The following OSTM1 variants were observed in gnomAD, a reference collection of about 807,000 sequenced individuals.
OSTM1 encodes the protein osteopetrosis-associated transmembrane protein 1.
Under a neutral mutation model 35.4 loss-of-function variants are expected in OSTM1, and 26 were observed. That is an observed-to-expected ratio of 0.73 (90% confidence interval 0.54 to 1.02). OSTM1 has a LOEUF of 1.02. OSTM1 is among the 50% of genes least tolerant of loss of function. The pLI is 0.00. For synonymous variants in OSTM1, 181 were observed against 165.0 expected (o/e 1.10, Z -0.75); for missense variants, 366 against 409.6 (o/e 0.89, Z 0.92).
intron 2 of OSTM1, among the ~76,000 whole-genome samples, chr6:108,056,174 C>T (rs890368147): frequency 6.6e-6 from 1 of 152,208 alleles, no homozygotes; most frequent in Non-Finnish European, 1.5e-5. Flanking sequence ...ACTATGCTTA[C>T]ACTGCACTTT....
intron 2 of OSTM1, among the ~76,000 whole-genome samples, chr6:108,060,162 A>G (rs75818319): frequency 0.043 from 6,572 of 152,220 alleles, 282 homozygotes; most frequent in East Asian, 0.23. Flanking sequence ...ACCTGAGACC[A>G]TATGTCTGGG....
At chr6:108,049,112 C>T (rs974235732) in intron 5 of OSTM1, 141 bp downstream of exon 5, 1 of 648,466 alleles carries the variant, frequency 1.5e-6, no homozygotes. Context: ...CACTAGTAAG[C>T]ATGATTGTAA....
In OSTM1 at chr6:108,043,424, G is replaced by A. The variant is rs1453150489; in HGVS notation, c.*1361C>T. On this transcript the variant is annotated 3_prime_UTR_variant, in exon 6 of 6. Coordinates refer to ENST00000193322, the MANE Select transcript of OSTM1 (RefSeq NM_014028.4). ...ACATAAAAGAAAAAAGAAACACTTT[G>A]TCTCCCTATAGAGCATTTTATAGTA... is the stretch of plus-strand genomic sequence containing the variant. The A allele has an allele frequency of 6.6e-6, 1 of 152,158 alleles. No homozygotes were observed. The highest frequency in any genetic ancestry group is 1.5e-5 in the Non-Finnish European group (1 of 68,036). The allele number at this position is 152,158 out of a possible 1,614,324, so 9.4% of individuals were successfully genotyped here.
chr6:108,054,614 T>C (rs780309379), intron 2 of OSTM1, 27 bp from the exon 3 acceptor site: 1 of 1,051,946 alleles, frequency 9.5e-7, no homozygotes, highest in Non-Finnish European at 1.5e-6. Flanking sequence ...AAAAGTATAT[T>C]AATATAACTC....
At chr6:108,045,479 G>A in intron 5 of OSTM1, among the ~76,000 whole-genome samples, 1 of 147,756 alleles carries the variant, frequency 6.8e-6, no homozygotes, top group Admixed American at 6.8e-5. Flanking sequence ...AAAAAAATCA[G>A]TGAAAGAACT....
chr6:108,057,232 G>T (rs1383749680), intron 2 of OSTM1, among the ~76,000 whole-genome samples: 2 of 152,134 alleles, frequency 1.3e-5, no homozygotes, highest in South Asian at 2.1e-4. Flanking sequence ...TTGTCTCATT[G>T]CCCCTCTTAA....
rs996961120 is a variant in OSTM1, at chr6:108,045,653, C to A, written c.950-813G>T. Among the ~76,000 whole-genome samples, 9 of 152,150 alleles carry A rather than the reference C, an allele frequency of 5.9e-5. No homozygotes were observed. In the South Asian group the frequency reaches 1.0e-3, roughly 18 times the overall value. ...ACACACAAACACATATGGCTGCTAACAAAATACGTTACCATCAATTCTGAT... is the reference window on the plus strand; with the variant it reads ...ACACACAAACACATATGGCTGCTAAAAAAATACGTTACCATCAATTCTGAT... On this transcript the variant is annotated intron_variant, in intron 5 of 5. Transcript: ENST00000193322.
intron 5 of OSTM1, among the ~76,000 whole-genome samples, chr6:108,046,168 ATT>A (rs750495431): frequency 0.2 from 18,696 of 93,160 alleles, 1,686 homozygotes; most frequent in Non-Finnish European, 0.22. Flanking sequence ...CGCCCAGCTA[ATT>A]TTTTTTTTTT....
At chr6:108,064,353 A>G in intron 1 of OSTM1, 54 bp from the exon 2 acceptor site, 1 of 1,012,370 alleles carries the variant, frequency 9.9e-7, no homozygotes, top group Non-Finnish European at 1.6e-6. Flanking sequence ...AGACTTTGCA[A>G]ACAACTTGAG....
chr6:108,067,809 G>T (rs1328759131), intron 1 of OSTM1, among the ~76,000 whole-genome samples: 6 of 126,720 alleles, frequency 4.7e-5, no homozygotes, highest in Non-Finnish European at 7.8e-5. Context: ...CAGCTTGGTT[G>T]ACAGAGCGAG....
intron 5 of OSTM1, among the ~76,000 whole-genome samples, chr6:108,048,892 C>T (rs1370197426): frequency 6.6e-6 from 1 of 151,640 alleles, no homozygotes; most frequent in Non-Finnish European, 1.5e-5. Context: ...GCTGGAACTA[C>T]AGGCATGCGC....
chr6:108,055,272 A>G (rs1023169993), intron 2 of OSTM1, among the ~76,000 whole-genome samples: 5 of 151,990 alleles, frequency 3.3e-5, no homozygotes, highest in African/African-American at 9.7e-5. Flanking sequence ...TGTGTATATC[A>G]CAATTTATGT....
chr6:108,070,132 G>C (rs1483068300), intron 1 of OSTM1, among the ~76,000 whole-genome samples: 2 of 152,064 alleles, frequency 1.3e-5, no homozygotes, highest in Non-Finnish European at 2.9e-5. Flanking sequence ...CAGCCTCCCA[G>C]GCTCAAGTGA....
In OSTM1 at chr6:108,042,131, C is replaced by T. The variant is rs1416134747; in HGVS notation, c.*2654G>A. 1 of 151,494 alleles carries T rather than the reference C, an allele frequency of 6.6e-6. No homozygotes were observed. Among genetic ancestry groups the T allele is most frequent in the Non-Finnish European group, 1.5e-5 (1 of 67,904 alleles). 9.4% of individuals were successfully genotyped at this position (151,494 alleles called of 1,614,324 possible). On this transcript the variant is annotated 3_prime_UTR_variant, in exon 6 of 6. Coordinates refer to ENST00000193322, the MANE Select transcript of OSTM1 (RefSeq NM_014028.4). ...TTTACCAACTAGACTCTGGGCTACA[C>T]TTTAAAATATCTGATGTTCAGCCAG...
intron 3 of OSTM1, 66 bp from the exon 4 acceptor site, chr6:108,051,264 G>A (rs1772068659): frequency 1.7e-6 from 2 of 1,167,764 alleles, no homozygotes; most frequent in African/African-American, 1.5e-5. Context: ...TTTAATGTAA[G>A]CTATTTACGC....
At position 108,074,577 on chromosome 6, in the gene OSTM1, C is replaced by T; in HGVS notation, c.75G>A (p.Trp25Ter). The change falls in exon 1 of 6, where the codon TGG (tryptophan) becomes TGA (stop). Residue 25 changes from tryptophan (W) to a stop codon, truncating the protein, a stop_gained. Coordinates refer to ENST00000193322, the MANE Select transcript of OSTM1 (RefSeq NM_014028.4). LOFTEE classifies it high-confidence loss of function. The stretch of plus-strand genomic sequence containing the variant: ...GGAGCGCGCCCAGGGCCAGCCCCGA[C>T]CACAGCAGCAGCCCCAGCGGCAGCC... ...PPWLPLGLLL[W>*]SGLALGALPF... 2 of 1,565,958 alleles carry T rather than the reference C, an allele frequency of 1.3e-6. No homozygotes were observed. The highest frequency in any genetic ancestry group is 2.7e-5 in the African/African-American group (2 of 74,108).
At chr6:108,068,628 C>T (rs920982981) in intron 1 of OSTM1, among the ~76,000 whole-genome samples, 1 of 152,050 alleles carries the variant, frequency 6.6e-6, no homozygotes, top group African/African-American at 2.4e-5. Context: ...TCATGATGGC[C>T]CCCACATAGC....
chr6:108,049,659 A>T (rs532902098), intron 4 of OSTM1: 1 of 723,876 alleles, frequency 1.4e-6, no homozygotes, highest in East Asian at 3.8e-5. Flanking sequence ...AATACTGACC[A>T]AAGTATTCTA....
intron 5 of OSTM1, among the ~76,000 whole-genome samples, chr6:108,046,168 A>ATTTTTTTTTTTTTT (rs750495431): frequency 3.2e-5 from 3 of 93,484 alleles, no homozygotes; most frequent in African/African-American, 1.1e-4. Flanking sequence ...CGCCCAGCTA[A>ATTTTTTTTTTTTTT]TTTTTTTTTT....
Sources: allele counts gnomAD v4.1 joint callset (sites outside exome capture counted in the v4.1 genomes callset), GRCh38; gene constraint gnomAD v4.1.1; transcripts MANE v1.5; gene names NCBI Gene and HGNC (gene_info 2026-07-23, HGNC 2026-07-21).